The following OR7D2 variants were observed in gnomAD, a reference collection of about 807,000 sequenced individuals.
OR7D2 encodes olfactory receptor family 7 subfamily D member 2.
For missense variants in OR7D2, 370 were observed against 384.1 expected (o/e 0.96, Z 0.31); for synonymous variants, 158 against 158.7 (o/e 1.00, Z 0.03).
In OR7D2 at chr19:9,184,779, ATATG is replaced by A. The variant is rs1161726368; in HGVS notation, c.-13-984_-13-981del. ...TATATATATGTATGTGTGTGTATAT[ATATG>A]TATGTGTATGTGTGTGTATATATAT... is the stretch of plus-strand genomic sequence containing the variant. On this transcript the variant is annotated intron_variant, in intron 2 of 2. Coordinates refer to ENST00000641288, the MANE Select transcript of OR7D2 (RefSeq NM_175883.4). 6.6e-5 allele frequency among the ~76,000 whole-genome samples: 10 copies of A among 152,208 alleles called. No homozygotes were observed. In the East Asian group the frequency reaches 1.9e-3, roughly 29 times the overall value.
chr19:9,180,670 A>T (rs2050983291), intron 1 of OR7D2, 28 bp from the exon 2 acceptor site: 1 of 147,780 alleles, frequency 6.8e-6, no homozygotes. Context: ...CTTATATGTG[A>T]TTTTTTTTTT....
Position 9,187,891 on chromosome 19 carries a change from T to A in OR7D2, c.*1171T>A, listed in dbSNP as rs1261236878. On this transcript the variant is annotated 3_prime_UTR_variant, in exon 3 of 3. Transcript: ENST00000641288. ...GTTCCTTTTTATGGATAAGTAGTAT[T>A]CCATGCTGTACATATACCACAATCT... 6.1e-6 allele frequency: 1 copy of A among 164,910 alleles called. No homozygotes were observed. The highest frequency in any genetic ancestry group is 1.5e-5 in the Non-Finnish European group (1 of 68,104). The allele number at this position is 164,910 out of a possible 1,614,324, so 10.2% of individuals were successfully genotyped here.
Position 9,186,244 on chromosome 19 carries a change from A to C in OR7D2, c.463A>C (p.Thr155Pro), listed in dbSNP as rs1338565667. ...TGTCACCTGGCTCATTGGTGTCATGACATCCCTCCTCCATATTTCTCTGAT... is the reference window on the plus strand; with the variant it reads ...TGTCACCTGGCTCATTGGTGTCATGCCATCCCTCCTCCATATTTCTCTGAT... Reference protein sequence around the residue: ...VFVTWLIGVMTSLLHISLMMH... With the variant: ...VFVTWLIGVMPSLLHISLMMH... Residue 155 changes from threonine (T) to proline (P), a missense_variant, in exon 3 of 3, where the codon ACA (threonine) becomes CCA (proline). Physicochemically the swap from Thr to Pro is conservative, Grantham distance 38. Coordinates refer to ENST00000641288, the MANE Select transcript of OR7D2 (RefSeq NM_175883.4). The C allele has an allele frequency of 6.2e-7, 1 of 1,613,836 alleles. No individual in the cohort carries two copies. The highest frequency in any genetic ancestry group is 2.2e-5 in the East Asian group (1 of 44,888).
At position 9,188,226 on chromosome 19, in the gene OR7D2, G is replaced by A. The variant is rs2051053305; in HGVS notation, c.*1506G>A. On this transcript the variant is annotated 3_prime_UTR_variant, in exon 3 of 3. Transcript: ENST00000641288. ...CCTGCCTCAACCTCCTGAGTAGCTG[G>A]GACTACAGGCACCTGCCACCCCACC... The A allele has an allele frequency of 6.6e-6, 1 of 152,034 alleles. No individual in the cohort carries two copies. The highest frequency in any genetic ancestry group is 1.5e-5 in the Non-Finnish European group (1 of 68,132). The allele number at this position is 152,034 out of a possible 1,614,324, so 9.4% of individuals were successfully genotyped here. A position where few individuals can be genotyped will look rare whatever the true frequency, so the allele number is the denominator to read the frequency against.
In OR7D2 at chr19:9,187,541, G is replaced by A. The variant is rs376369497; in HGVS notation, c.*821G>A. The A allele has an allele frequency of 6.0e-6, 1 of 166,826 alleles. No individual in the cohort carries two copies. Among genetic ancestry groups the A allele is most frequent in the African/African-American group, 2.4e-5 (1 of 41,418 alleles). The allele number at this position is 166,826 out of a possible 1,614,324, so 10.3% of individuals were successfully genotyped here. A position where few individuals can be genotyped will look rare whatever the true frequency, so the allele number is the denominator to read the frequency against. ...TGTCAGTAGTTTTTGGGGTACATGT[G>A]GTTTTTCATTACACGGATGAGTTCT... On this transcript the variant is annotated 3_prime_UTR_variant, in exon 3 of 3. Transcript: ENST00000641288.
intron 2 of OR7D2, among the ~76,000 whole-genome samples, chr19:9,181,956 T>A (rs1162191467): frequency 2.0e-5 from 3 of 152,170 alleles, no homozygotes; most frequent in African/African-American, 7.2e-5. Context: ...TCCTTGACCA[T>A]GTAATAGGGG....
intron 2 of OR7D2, among the ~76,000 whole-genome samples, chr19:9,184,287 A>G (rs1246535273): frequency 6.6e-6 from 1 of 151,844 alleles, no homozygotes; most frequent in Non-Finnish European, 1.5e-5. Flanking sequence ...GGTGGCACAT[A>G]CCTGTAATCC....
intron 2 of OR7D2, among the ~76,000 whole-genome samples, chr19:9,185,064 A>G (rs1033998808): frequency 4.6e-4 from 70 of 152,126 alleles, no homozygotes; most frequent in Non-Finnish European, 2.6e-4. Context: ...AGGATAATGG[A>G]TATAAAGTAG....
chr19:9,182,485 A>G (rs1049146861), intron 2 of OR7D2: 2 of 197,910 alleles, frequency 1.0e-5, no homozygotes, highest in Non-Finnish European at 2.0e-5. Flanking sequence ...AAATACATGC[A>G]TACTTTATTT....
Position 9,185,847 on chromosome 19 carries a change from A to G in OR7D2, c.66A>G (p.Glu22=). 6.2e-7 allele frequency: 1 copy of G among 1,612,174 alleles called. No individual in the cohort carries two copies. Among genetic ancestry groups the G allele is most frequent in the South Asian group, 1.1e-5 (1 of 90,714 alleles). The part of the protein sequence containing the change: ...FILLGLSEDP[E]LQPFIFGLFL... ...TTCTCGGACTCTCTGAGGATCCAGA[A>G]CTACAGCCGTTCATATTTGGGCTGT... The change falls in exon 3 of 3, where the codon GAA becomes GAG. Residue 22 remains glutamate (E), a synonymous_variant. Coordinates refer to ENST00000641288, the MANE Select transcript of OR7D2 (RefSeq NM_175883.4).
chr19:9,179,776 CG>C (rs1395909724), intron 1 of OR7D2, among the ~76,000 whole-genome samples: 2 of 151,960 alleles, frequency 1.3e-5, no homozygotes, highest in African/African-American at 4.8e-5. Context: ...GAGGCCGAGG[CG>C]GGTGGATCAC....
chr19:9,183,974 A>C (rs1450723179), intron 2 of OR7D2, among the ~76,000 whole-genome samples: 2 of 143,178 alleles, frequency 1.4e-5, no homozygotes, highest in African/African-American at 2.5e-5. Context: ...AAAAAAAAAA[A>C]AAAAAAAAAA....
At chr19:9,184,094 C>T (rs2051012301) in intron 2 of OR7D2, among the ~76,000 whole-genome samples, 1 of 123,634 alleles carries the variant, frequency 8.1e-6, no homozygotes, top group Non-Finnish European at 1.6e-5. Flanking sequence ...GTGAGGGTTC[C>T]TAAAGGAATT....
intron 1 of OR7D2, among the ~76,000 whole-genome samples, chr19:9,179,645 G>T (rs2050976837): frequency 6.6e-6 from 1 of 152,094 alleles, no homozygotes. Flanking sequence ...GTAGGAACTG[G>T]CACTTCCTTG....
chr19:9,183,874 G>A (rs2051009246), intron 2 of OR7D2, among the ~76,000 whole-genome samples: 1 of 142,446 alleles, frequency 7.0e-6, no homozygotes, highest in South Asian at 2.3e-4. Context: ...GGAGAATGGC[G>A]TGAACCCCAG....
At chr19:9,183,296 A>G (rs1234271809) in intron 2 of OR7D2, among the ~76,000 whole-genome samples, 1 of 152,090 alleles carries the variant, frequency 6.6e-6, no homozygotes, top group African/African-American at 2.4e-5. Flanking sequence ...TTATTTTAAG[A>G]CATGGTCTCG....
intron 1 of OR7D2, among the ~76,000 whole-genome samples, chr19:9,179,664 C>T (rs1293707518): frequency 6.6e-6 from 1 of 152,124 alleles, no homozygotes; most frequent in African/African-American, 2.4e-5. Flanking sequence ...TGAGTGGATT[C>T]CTTTCAGTCT....
chr19:9,181,444 CT>C (rs911771352), intron 2 of OR7D2, among the ~76,000 whole-genome samples: 1,963 of 78,020 alleles, frequency 0.025, 7 homozygotes, highest in African/African-American at 0.078. Flanking sequence ...ATTTCCTAGA[CT>C]TTTTTTTTTT....
rs2145982935 is a variant in OR7D2 at position 9,185,828 on chromosome 19, G to C, written c.47G>C (p.Gly16Ala). 6.2e-7 allele frequency: 1 copy of C among 1,606,524 alleles called. No individual in the cohort carries two copies. The highest frequency in any genetic ancestry group is 1.7e-5 in the Admixed American group (1 of 59,322). The change falls in exon 3 of 3, where the codon GGA becomes GCA. Residue 16 changes from glycine to alanine, a missense_variant. Gly to Ala is a moderately conservative substitution (Grantham distance 60). Coordinates refer to ENST00000641288, the MANE Select transcript of OR7D2 (RefSeq NM_175883.4). ...QTGFLEFILL[G>A]LSEDPELQPF... ...GGATTTTTAGAGTTTATCCTTCTCGGACTCTCTGAGGATCCAGAACTACAG... is the reference window on the plus strand; with the variant it reads ...GGATTTTTAGAGTTTATCCTTCTCGCACTCTCTGAGGATCCAGAACTACAG...
Sources: allele counts gnomAD v4.1 joint callset (sites outside exome capture counted in the v4.1 genomes callset), GRCh38; gene constraint gnomAD v4.1.1; transcripts MANE v1.5; gene names NCBI Gene and HGNC (gene_info 2026-07-23, HGNC 2026-07-21).